OPCML: variants seen among roughly 807,000 people sequenced by gnomAD.
The protein encoded by OPCML is opioid-binding protein/cell adhesion molecule.
OPCML carries 13 observed loss-of-function variants against 37.8 expected under a neutral mutation model. That is an observed-to-expected ratio of 0.34 (90% CI 0.22 to 0.55). The LOEUF is 0.55. Among genes scored for constraint, OPCML ranks in the 20% least tolerant of loss-of-function variants. The pLI, the probability that OPCML is intolerant of heterozygous loss-of-function variation, is 0.91. For missense variants in OPCML, 341 were observed against 435.6 expected, an observed-to-expected ratio of 0.78 and a Z score of 1.93; for synonymous variants, 176 against 168.8, an observed-to-expected ratio of 1.04 and a Z score of -0.33.
chr11:133,370,657 G>GA (rs1425436954), intron 1 of OPCML, among the ~76,000 whole-genome samples: 1 of 151,974 alleles, frequency 6.6e-6, no homozygotes, highest in Non-Finnish European at 1.5e-5. Flanking sequence ...AATGGCCATG[G>GA]AAAAAATCAA....
At chr11:133,427,844 G>A (rs79875523) in intron 1 of OPCML, among the ~76,000 whole-genome samples, 1,916 of 152,090 alleles carry the variant, frequency 0.013, 38 homozygotes, top group African/African-American at 0.043. Flanking sequence ...AATTTCTTAG[G>A]AGCGTATACT....
intron 1 of OPCML, among the ~76,000 whole-genome samples, chr11:133,095,078 C>A (rs1417093700): frequency 2.0e-5 from 3 of 151,780 alleles, no homozygotes; most frequent in Non-Finnish European, 2.9e-5. Context: ...GAGCTCCACA[C>A]GATATGGTTG....
chr11:133,375,102 T>G (rs187370834), intron 1 of OPCML, among the ~76,000 whole-genome samples: 3 of 152,290 alleles, frequency 2.0e-5, no homozygotes, highest in Non-Finnish European at 2.9e-5. Flanking sequence ...TTCTCCATCT[T>G]TACATATTCC....
At chr11:132,766,454 C>T (rs780736489) in intron 2 of OPCML, among the ~76,000 whole-genome samples, 9 of 152,188 alleles carry the variant, frequency 5.9e-5, no homozygotes, top group Admixed American at 5.9e-4. Flanking sequence ...CATGAACTTT[C>T]ATGTATATGG....
intron 1 of OPCML, among the ~76,000 whole-genome samples, chr11:133,381,824 CA>C: frequency 6.6e-6 from 1 of 152,342 alleles, no homozygotes; most frequent in East Asian, 1.9e-4. Flanking sequence ...ACATTCATAG[CA>C]GGGCACTTTT....
chr11:133,335,831 G>A (rs959202375), intron 1 of OPCML, among the ~76,000 whole-genome samples: 1 of 152,030 alleles, frequency 6.6e-6, no homozygotes, highest in Admixed American at 6.6e-5. Flanking sequence ...AACCCGTTGA[G>A]GTCCAAGCAG....
intron 2 of OPCML, among the ~76,000 whole-genome samples, chr11:132,731,231 A>G (rs978346701): frequency 6.6e-6 from 1 of 152,224 alleles, no homozygotes; most frequent in Non-Finnish European, 1.5e-5. Flanking sequence ...TGGCAGCACA[A>G]ATCTAAAGAC....
At chr11:133,313,125 A>G in intron 1 of OPCML, among the ~76,000 whole-genome samples, 1 of 152,208 alleles carries the variant, frequency 6.6e-6, no homozygotes, top group East Asian at 1.9e-4. Flanking sequence ...CTTTATTTAT[A>G]TGCGGTCTGC....
At chr11:133,167,600 G>GT (rs1950227884) in intron 1 of OPCML, among the ~76,000 whole-genome samples, 1 of 151,328 alleles carries the variant, frequency 6.6e-6, no homozygotes, top group South Asian at 2.1e-4. Flanking sequence ...CAATATCAGG[G>GT]TTTTCCCAAA....
intron 1 of OPCML, among the ~76,000 whole-genome samples, chr11:133,522,465 A>G (rs1205982669): frequency 6.6e-6 from 1 of 152,212 alleles, no homozygotes; most frequent in African/African-American, 2.4e-5. Flanking sequence ...ATGCCACTGA[A>G]GGAGACAGGG....
intron 2 of OPCML, among the ~76,000 whole-genome samples, chr11:132,936,976 G>C (rs1945399426): frequency 1.3e-5 from 2 of 152,166 alleles, no homozygotes; most frequent in Admixed American, 1.3e-4. Context: ...ATGAAGAAAA[G>C]TTAGCACTTG....
At chr11:133,210,624 A>C (rs1334889991) in intron 1 of OPCML, among the ~76,000 whole-genome samples, 1 of 152,190 alleles carries the variant, frequency 6.6e-6, no homozygotes, top group African/African-American at 2.4e-5. Context: ...TGTTCCATCA[A>C]AGTTGAAATG....
At chr11:132,453,963 G>A (rs1184740772) in intron 4 of OPCML, among the ~76,000 whole-genome samples, 4 of 152,192 alleles carry the variant, frequency 2.6e-5, no homozygotes, top group Admixed American at 2.0e-4. Context: ...CCTTCTAAGT[G>A]AACTGAAGGA....
At chr11:133,216,369 C>G (rs1254190821) in intron 1 of OPCML, among the ~76,000 whole-genome samples, 1 of 152,128 alleles carries the variant, frequency 6.6e-6, no homozygotes, top group Non-Finnish European at 1.5e-5. Flanking sequence ...AAAAAAGGTA[C>G]CTCTTATGAG....
chr11:133,112,738 A>T (rs184517768), intron 1 of OPCML, among the ~76,000 whole-genome samples: 1 of 152,026 alleles, frequency 6.6e-6, no homozygotes, highest in Admixed American at 6.6e-5. Flanking sequence ...GTGCCATCAC[A>T]CCTCCCCCTG....
chr11:132,724,690 G>C (rs1240203937), intron 2 of OPCML, among the ~76,000 whole-genome samples: 2 of 152,114 alleles, frequency 1.3e-5, no homozygotes, highest in Non-Finnish European at 2.9e-5. Flanking sequence ...AGTTCCTTCT[G>C]CCTACAAGCC....
chr11:133,030,060 CCCT>C (rs1286879101), intron 1 of OPCML, among the ~76,000 whole-genome samples: 1 of 152,084 alleles, frequency 6.6e-6, no homozygotes, highest in Non-Finnish European at 1.5e-5. Context: ...CTGTCACATC[CCCT>C]CAACACAAGG....
At chr11:132,593,302 G>C (rs1413819384) in intron 3 of OPCML, among the ~76,000 whole-genome samples, 1 of 152,152 alleles carries the variant, frequency 6.6e-6, no homozygotes, top group Non-Finnish European at 1.5e-5. Context: ...GGAGAGCAGT[G>C]GAAGGCGAAG....
At chr11:132,556,241 C>T (rs1206301852) in intron 3 of OPCML, among the ~76,000 whole-genome samples, 1 of 152,078 alleles carries the variant, frequency 6.6e-6, no homozygotes. Context: ...CTGTGCCTGA[C>T]CAAAAATTGT....
Sources: gnomAD v4.1 joint callset for allele counts (sites outside exome capture counted in the v4.1 genomes callset) on GRCh38, gnomAD v4.1.1 for gene constraint, MANE v1.5 for transcripts, NCBI Gene and HGNC (gene_info 2026-07-23, HGNC 2026-07-21) for gene names.